Variants in VPS13D observed in about 807,000 individuals in gnomAD.
VPS13D encodes the protein intermembrane lipid transfer protein VPS13D.
A neutral mutation model predicts 461.9 loss-of-function variants in VPS13D; 187 were observed. That is an observed-to-expected ratio of 0.40 (90% confidence interval 0.36 to 0.46). The LOEUF (loss-of-function observed/expected upper bound fraction) is 0.46. Among genes scored for constraint, VPS13D ranks in the 20% least tolerant of loss-of-function variants. The pLI is 0.60. For missense variants in VPS13D, 4,711 were observed against 5,364.9 expected, an observed-to-expected ratio of 0.88 and a Z score of 3.81; for synonymous variants, 1,951 against 1,986.3, an observed-to-expected ratio of 0.98 and a Z score of 0.47.
rs746880923 is a variant in VPS13D at position 12,244,556 on chromosome 1, G to T, written c.386G>T (p.Gly129Val). 1.2e-6 allele frequency: 2 copies of T among 1,614,206 alleles called. No homozygotes were observed. Among genetic ancestry groups the T allele is most frequent in the South Asian group, 2.2e-5 (2 of 91,078 alleles). The change falls in exon 5 of 70, where the codon GGG becomes GTG. Residue 129 changes from glycine to valine, a missense_variant. Transcript: ENST00000620676. ...TTGTAGAATGACCGCCAGCAGAAAG[G>T]GGAGTCCTATTGGTATTCAGTTACC... Reference protein sequence around the residue: ...EKWKNDRQQKGESYWYSVTAS... With the variant: ...EKWKNDRQQKVESYWYSVTAS...
At position 12,316,764 on chromosome 1, in the gene VPS13D, C is replaced by T. The variant is rs371787779; in HGVS notation, c.7149-1308C>T. Among the ~76,000 whole-genome samples the T allele has an allele frequency of 2.6e-5, 4 of 152,278 alleles. No homozygotes were observed. The East Asian group carries it at 5.8e-4, about 22-fold the overall frequency. ...CATGTAGTAGCTACAACCCCAGAGTCGCTTTTGGGCTTACGGAACCAAGTT... is the reference window on the plus strand; with the variant it reads ...CATGTAGTAGCTACAACCCCAGAGTTGCTTTTGGGCTTACGGAACCAAGTT... On this transcript the variant is annotated intron_variant, in intron 30 of 69. Transcript: ENST00000620676.
At chr1:12,325,517 C>G (rs1287805563) in intron 35 of VPS13D, among the ~76,000 whole-genome samples, 1 of 152,168 alleles carries the variant, frequency 6.6e-6, no homozygotes, top group Non-Finnish European at 1.5e-5. Flanking sequence ...CTTGGCCTCC[C>G]AAAGTGCTGA....
chr1:12,457,086 T>G (rs1172538085), intron 66 of VPS13D, among the ~76,000 whole-genome samples: 1 of 152,248 alleles, frequency 6.6e-6, no homozygotes, highest in African/African-American at 2.4e-5. Context: ...TTGAATTCTT[T>G]TAATGCTTTA....
chr1:12,326,730 G>C (rs998378195), intron 35 of VPS13D, among the ~76,000 whole-genome samples: 1 of 151,460 alleles, frequency 6.6e-6, no homozygotes, highest in Non-Finnish European at 1.5e-5. Flanking sequence ...TGCAACCTCC[G>C]CCTCCCAGGT....
At chr1:12,319,104 G>A (rs1311085761) in intron 31 of VPS13D, among the ~76,000 whole-genome samples, 1 of 152,228 alleles carries the variant, frequency 6.6e-6, no homozygotes, top group Non-Finnish European at 1.5e-5. Context: ...CATAGTGCCT[G>A]ACCAGCATTA....
intron 67 of VPS13D, among the ~76,000 whole-genome samples, chr1:12,469,300 T>C (rs1210799066): frequency 6.6e-6 from 1 of 152,198 alleles, no homozygotes; most frequent in African/African-American, 2.4e-5. Context: ...TTTATAGATA[T>C]AACAATTTTT....
rs1265245431 is a variant in VPS13D, at chr1:12,510,643, C to T, written c.*1619C>T. The T allele has an allele frequency of 6.6e-6, 1 of 152,096 alleles. No homozygotes were observed. The highest frequency in any genetic ancestry group is 2.4e-5 in the African/African-American group (1 of 41,416). The allele number at this position is 152,096 out of a possible 1,614,324, so 9.4% of individuals were successfully genotyped here. On this transcript the variant is annotated 3_prime_UTR_variant, in exon 70 of 70. Transcript: ENST00000620676. ...TTCAAGGATCAGCTTTCTTGAACTC[C>T]GAGGCTTGGTTGCCTTTGCTGAACT... is the stretch of plus-strand genomic sequence containing the variant.
rs1175790200 is a variant in VPS13D at position 12,318,249 on chromosome 1, C to G, written c.7326C>G (p.Pro2442=). The G allele has an allele frequency of 6.2e-7, 1 of 1,614,010 alleles. No homozygotes were observed. The change falls in exon 31 of 70, where the codon CCC becomes CCG. Residue 2442 remains proline (P), a synonymous_variant. Coordinates refer to ENST00000620676, the MANE Select transcript of VPS13D (RefSeq NM_015378.4). The part of the protein sequence containing the change: ...RNSSSESAIV[P]KTVKSGVVTK... ...CTAGCAGCGAATCTGCTATAGTTCC[C>G]AAAACTGTGAAGAGTGGAGTAGTTA...
In VPS13D at chr1:12,348,967, C is replaced by G; in HGVS notation, c.9214C>G (p.Pro3072Ala). The G allele has an allele frequency of 1.2e-6, 2 of 1,614,096 alleles. No individual in the cohort carries two copies. The highest frequency in any genetic ancestry group is 1.7e-6 in the Non-Finnish European group (2 of 1,180,016). ...MELRLDSPSA[P>A]DKPVVLPAIM... ...ACTAAGACTGGATAGCCCATCAGCT[C>G]CAGACAGTATGTTTTGATTGTCTAG... Residue 3072 changes from proline (P) to alanine (A), a missense_variant, in exon 45 of 70, where the codon CCA becomes GCA. This residue lies in a region of VPS13D where 4,411 missense variants were observed against 4,937.8 expected (regional missense o/e 0.89). Transcript: ENST00000620676.
At chr1:12,267,795 T>C in intron 14 of VPS13D, 50 bp from the exon 15 acceptor site, 1 of 1,539,578 alleles carries the variant, frequency 6.5e-7, no homozygotes, top group East Asian at 2.2e-5. Flanking sequence ...TTTAGTGAAT[T>C]GTCCCCTCTC....
chr1:12,400,165 C>G lies in VPS13D; in HGVS notation c.11635-16C>G. On this transcript the variant is annotated splice_polypyrimidine_tract_variant and intron_variant, in intron 60 of 69. Transcript: ENST00000620676. ...TCTGTTTTTGTTTTTGCTTTGCTAC[C>G]TTTCCATGGCCGTAGGTGGACAATC... 1 of 1,608,942 alleles carries G rather than the reference C, an allele frequency of 6.2e-7. No homozygotes were observed. The highest frequency in any genetic ancestry group is 8.5e-7 in the Non-Finnish European group (1 of 1,177,080).
chr1:12,285,297 T>A lies in VPS13D; in HGVS notation c.5634+1561T>A, dbSNP rs545278072. ...ATTTATTTATTTATTTATTTATTTA[T>A]TTTTTTTTTTTGAGACGGAGTCTCG... On this transcript the variant is annotated intron_variant, in intron 21 of 69. Coordinates refer to ENST00000620676, the MANE Select transcript of VPS13D (RefSeq NM_015378.4). 4.4e-4 allele frequency among the ~76,000 whole-genome samples: 60 copies of A among 136,808 alleles called. 1 individual carries two copies. In the East Asian group the frequency reaches 6.4e-3, roughly 15 times the overall value. 89.8% of individuals were successfully genotyped at this position (136,808 alleles called of 152,430 possible).
At chr1:12,433,636 C>G (rs940896717) in intron 65 of VPS13D, among the ~76,000 whole-genome samples, 1 of 152,184 alleles carries the variant, frequency 6.6e-6, no homozygotes, top group Non-Finnish European at 1.5e-5. Context: ...GTCGGCAGCT[C>G]CTGCGGGGAT....
At chr1:12,490,829 C>T (rs1355897404) in intron 67 of VPS13D, among the ~76,000 whole-genome samples, 2 of 151,848 alleles carry the variant, frequency 1.3e-5, no homozygotes, top group Non-Finnish European at 2.9e-5. Flanking sequence ...AGATGCAGCC[C>T]ATGGCATGGT....
At chr1:12,397,325 T>C (rs956434162) in intron 60 of VPS13D, among the ~76,000 whole-genome samples, 1 of 152,256 alleles carries the variant, frequency 6.6e-6, no homozygotes, top group African/African-American at 2.4e-5. Context: ...GTGGTTACAG[T>C]GCTGCAAGAA....
chr1:12,295,233 A>C (rs899768151), intron 24 of VPS13D, among the ~76,000 whole-genome samples: 23 of 151,746 alleles, frequency 1.5e-4, no homozygotes, highest in Admixed American at 3.3e-4. Flanking sequence ...AAAAAAAAAA[A>C]AAAAAAACAA....
intron 20 of VPS13D, among the ~76,000 whole-genome samples, chr1:12,281,160 C>G (rs1308827526): frequency 1.3e-5 from 2 of 151,680 alleles, no homozygotes; most frequent in East Asian, 3.9e-4. Context: ...AAACTAGGTG[C>G]TTCTTCTTAC....
Position 12,288,322 on chromosome 1 carries a change from TG to T in VPS13D, c.5725+15del, listed in dbSNP as rs750074778. On this transcript the variant is annotated intron_variant, in intron 22 of 69. Transcript: ENST00000620676. ...ACACCTGGAAATGATTGGTAAGTGGTGGGGGGTGGAGGGAAGCAAACTTGCA... is the reference window on the plus strand; with the variant it reads ...ACACCTGGAAATGATTGGTAAGTGGTGGGGGTGGAGGGAAGCAAACTTGCA... The T allele has an allele frequency of 3.8e-5, 61 of 1,613,302 alleles. No homozygotes were observed. The highest frequency in any genetic ancestry group is 5.0e-5 in the Non-Finnish European group (59 of 1,179,452).
At chr1:12,428,011 A>G (rs1644943645) in intron 65 of VPS13D, among the ~76,000 whole-genome samples, 1 of 152,232 alleles carries the variant, frequency 6.6e-6, no homozygotes, top group Non-Finnish European at 1.5e-5. Context: ...CAAAGAAACA[A>G]TGTATGACAA....
Sources: gnomAD v4.1 joint callset for allele counts (sites outside exome capture counted in the v4.1 genomes callset) on GRCh38, gnomAD v4.1.1 for gene constraint, gnomAD v4.1.1 regional missense constraint, MANE v1.5 for transcripts, NCBI Gene and HGNC (gene_info 2026-07-23, HGNC 2026-07-21) for gene names.